The following NCAM2 variants were observed in gnomAD, a reference collection of about 807,000 sequenced individuals.
The protein encoded by NCAM2 is N-CAM-2.
In NCAM2, 30 loss-of-function variants were observed where a neutral mutation model predicts 98.1. The observed-to-expected ratio is 0.31, with a 90% CI of 0.23 to 0.41. NCAM2 has a LOEUF of 0.41. Among genes scored for constraint, NCAM2 ranks in the 10% least tolerant of loss-of-function variants. NCAM2 has a pLI of 1.00. For missense variants in NCAM2, 867 were observed against 1,005.8 expected, an observed-to-expected ratio of 0.86 and a Z score of 1.87; for synonymous variants, 368 against 342.4, an observed-to-expected ratio of 1.07 and a Z score of -0.83.
intron 1 of NCAM2, among the ~76,000 whole-genome samples, chr21:21,025,157 C>G (rs552970284): frequency 6.6e-6 from 1 of 151,730 alleles, no homozygotes; most frequent in African/African-American, 2.4e-5. Context: ...GCAATCTCGG[C>G]TCACTGCAAG....
chr21:21,085,922 G>GA (rs910918332), intron 1 of NCAM2, among the ~76,000 whole-genome samples: 3 of 152,140 alleles, frequency 2.0e-5, no homozygotes, highest in Non-Finnish European at 4.4e-5. Flanking sequence ...GTATATTAGA[G>GA]AAAATCATAG....
intron 8 of NCAM2, among the ~76,000 whole-genome samples, chr21:21,372,603 G>A (rs1244068008): frequency 6.6e-6 from 1 of 151,774 alleles, no homozygotes; most frequent in Non-Finnish European, 1.5e-5. Flanking sequence ...ATGTCCTTTA[G>A]AATGTCAGAA....
intron 11 of NCAM2, among the ~76,000 whole-genome samples, chr21:21,419,339 C>T (rs1441523144): frequency 2.0e-5 from 2 of 100,970 alleles, no homozygotes; most frequent in Non-Finnish European, 2.0e-5. Flanking sequence ...ATGTTAGGAA[C>T]GGTCATGGTT....
intron 1 of NCAM2, among the ~76,000 whole-genome samples, chr21:21,189,217 A>G (rs906548916): frequency 1.3e-5 from 2 of 152,176 alleles, no homozygotes; most frequent in Non-Finnish European, 2.9e-5. Flanking sequence ...AAACCATTCT[A>G]TTTTTAATGT....
intron 16 of NCAM2, among the ~76,000 whole-genome samples, chr21:21,525,584 C>T (rs1433833361): frequency 6.6e-6 from 1 of 152,096 alleles, no homozygotes; most frequent in Non-Finnish European, 1.5e-5. Context: ...TTCTACCAAA[C>T]ATTTAAACAT....
chr21:21,018,614 C>T (rs2064367069), intron 1 of NCAM2, among the ~76,000 whole-genome samples: 2 of 152,188 alleles, frequency 1.3e-5, no homozygotes. Context: ...TTGAGAATTA[C>T]TAAATAGATT....
At chr21:21,219,180 C>T (rs2070032716) in intron 1 of NCAM2, among the ~76,000 whole-genome samples, 1 of 151,830 alleles carries the variant, frequency 6.6e-6, no homozygotes, top group Non-Finnish European at 1.5e-5. Flanking sequence ...TTTTTTAGCT[C>T]ATCAGCTATT....
intron 8 of NCAM2, among the ~76,000 whole-genome samples, chr21:21,354,810 C>T (rs1456301230): frequency 4.4e-5 from 6 of 137,838 alleles, no homozygotes. Context: ...GTAAAAGAAA[C>T]TCATTTACTT....
chr21:21,412,619 C>T (rs974661618), intron 10 of NCAM2, among the ~76,000 whole-genome samples: 17 of 152,126 alleles, frequency 1.1e-4, no homozygotes, highest in African/African-American at 3.4e-4. Context: ...TCCCTCTGCA[C>T]TCCAAAATAA....
intron 15 of NCAM2, among the ~76,000 whole-genome samples, chr21:21,479,348 C>A (rs923285636): frequency 4.6e-5 from 7 of 151,648 alleles, no homozygotes; most frequent in African/African-American, 1.5e-4. Flanking sequence ...CTTTGAGAGG[C>A]CCAGGTGGGC....
intron 1 of NCAM2, among the ~76,000 whole-genome samples, chr21:21,248,650 G>A (rs1285147806): frequency 6.6e-6 from 1 of 151,518 alleles, no homozygotes; most frequent in Non-Finnish European, 1.5e-5. Flanking sequence ...GGTGGCGGGC[G>A]CCTGTAGTCC....
intron 1 of NCAM2, among the ~76,000 whole-genome samples, chr21:21,187,322 G>A (rs999957266): frequency 4.6e-5 from 7 of 152,090 alleles, no homozygotes; most frequent in Admixed American, 4.6e-4. Context: ...AATTTTACTA[G>A]ACAACATCAT....
intron 5 of NCAM2, among the ~76,000 whole-genome samples, chr21:21,296,303 A>T (rs1311888255): frequency 6.6e-6 from 1 of 151,922 alleles, no homozygotes; most frequent in African/African-American, 2.4e-5. Context: ...AGCTGAAGAC[A>T]GGAGAGTACC....
intron 1 of NCAM2, among the ~76,000 whole-genome samples, chr21:21,173,314 T>A (rs2068181062): frequency 6.6e-6 from 1 of 152,186 alleles, no homozygotes; most frequent in Admixed American, 6.5e-5. Context: ...TATGAAGAGT[T>A]ATGTATAGTA....
At position 20,998,477 on chromosome 21, in the gene NCAM2, G is replaced by A; in HGVS notation, c.-87G>A. On this transcript the variant is annotated 5_prime_UTR_variant, in exon 1 of 18. Transcript: ENST00000400546. ...CGCGGGAGCGGCGGCGGCGGCTCTA[G>A]CAGAGGCGGCCGGGGCAGCGAAAGG... The A allele has an allele frequency of 7.1e-7, 1 of 1,398,844 alleles. No homozygotes were observed. The highest frequency in any genetic ancestry group is 9.9e-7 in the Non-Finnish European group (1 of 1,014,712). 86.7% of individuals were successfully genotyped at this position (1,398,844 alleles called of 1,614,324 possible).
At chr21:21,135,245 CAAAAA>C (rs3071998) in intron 1 of NCAM2, among the ~76,000 whole-genome samples, 17 of 88,558 alleles carry the variant, frequency 1.9e-4, no homozygotes, top group Non-Finnish European at 2.5e-4. Flanking sequence ...GACTCCATCT[CAAAAA>C]AAAAAAAAAA....
At chr21:21,440,225 A>T (rs535022203) in intron 12 of NCAM2, among the ~76,000 whole-genome samples, 3 of 152,166 alleles carry the variant, frequency 2.0e-5, no homozygotes, top group Admixed American at 1.3e-4. Context: ...TGGTACCAAA[A>T]GTATTCAGAC....
intron 16 of NCAM2, among the ~76,000 whole-genome samples, chr21:21,531,339 T>C (rs1271927312): frequency 1.3e-5 from 2 of 152,334 alleles, no homozygotes; most frequent in East Asian, 3.9e-4. Flanking sequence ...GTAATATATT[T>C]CCAAATGTAA....
At chr21:21,425,011 G>A (rs181129408) in intron 11 of NCAM2, among the ~76,000 whole-genome samples, 2 of 134,162 alleles carry the variant, frequency 1.5e-5, no homozygotes, top group Admixed American at 1.6e-4. Context: ...ACTCTAGCCT[G>A]GGCGACAAAA....
Sources: gnomAD v4.1 joint callset for allele counts (sites outside exome capture counted in the v4.1 genomes callset) on GRCh38, gnomAD v4.1.1 for gene constraint, MANE v1.5 for transcripts, NCBI Gene and HGNC (gene_info 2026-07-23, HGNC 2026-07-21) for gene names.